Variants in CELF4 observed in about 807,000 individuals in gnomAD.
CELF4 encodes CUGBP Elav-like family member 4, also known as CUG-BP- and ETR-3-like factor 4.
A neutral mutation model predicts 59.9 loss-of-function variants in CELF4; 18 were observed. That is an observed-to-expected ratio of 0.30 (90% CI 0.21 to 0.45). CELF4 has a LOEUF of 0.45. Among genes scored for constraint, CELF4 ranks in the 20% least tolerant of loss-of-function variants. CELF4 has a pLI of 1.00. For synonymous variants in CELF4, 261 were observed against 267.1 expected (o/e 0.98, Z 0.22); for missense variants, 456 against 689.0 (o/e 0.66, Z 3.79).
intron 2 of CELF4, among the ~76,000 whole-genome samples, chr18:37,461,021 G>T (rs2099791960): frequency 6.6e-6 from 1 of 152,236 alleles, no homozygotes; most frequent in African/African-American, 2.4e-5. Context: ...GTGGCCAAGA[G>T]TGTTATTCAC....
intron 1 of CELF4, among the ~76,000 whole-genome samples, chr18:37,493,859 A>G (rs529647404): frequency 1.3e-5 from 2 of 152,190 alleles, no homozygotes; most frequent in African/African-American, 2.4e-5. Context: ...AGAGAAGAAC[A>G]TGGCCCATTC....
At chr18:37,349,876 A>C (rs1363837574) in intron 2 of CELF4, among the ~76,000 whole-genome samples, 5 of 152,106 alleles carry the variant, frequency 3.3e-5, no homozygotes, top group Admixed American at 3.3e-4. Context: ...GTGAAAGGTG[A>C]GGGGCTGCAC....
intron 2 of CELF4, among the ~76,000 whole-genome samples, chr18:37,459,204 T>C (rs1019011093): frequency 6.6e-6 from 1 of 152,212 alleles, no homozygotes; most frequent in Non-Finnish European, 1.5e-5. Flanking sequence ...TTTCTTGCGC[T>C]CATAGGTTTT....
At chr18:37,467,971 G>C (rs1269062824) in intron 2 of CELF4, among the ~76,000 whole-genome samples, 1 of 151,964 alleles carries the variant, frequency 6.6e-6, no homozygotes, top group Non-Finnish European at 1.5e-5. Context: ...GTACTCTGTT[G>C]TGTGTATGTG....
intron 2 of CELF4, among the ~76,000 whole-genome samples, chr18:37,353,233 A>AAAATATATAT (rs71168258): frequency 0.05 from 5,277 of 106,442 alleles, 179 homozygotes; most frequent in Admixed American, 0.061. Flanking sequence ...AAAAAAAAAA[A>AAAATATATAT]ATATATATAT....
intron 2 of CELF4, among the ~76,000 whole-genome samples, chr18:37,462,015 T>A (rs1391085483): frequency 1.3e-5 from 2 of 152,136 alleles, no homozygotes; most frequent in Non-Finnish European, 1.5e-5. Context: ...ATCTTACCCA[T>A]GAGGGAAATG....
At chr18:37,290,137 G>A (rs2095233907) in intron 3 of CELF4, among the ~76,000 whole-genome samples, 1 of 152,078 alleles carries the variant, frequency 6.6e-6, no homozygotes, top group African/African-American at 2.4e-5. Context: ...GCTGAGCTGG[G>A]GAGGCCAAAG....
Position 37,443,724 on chromosome 18 carries a change from C to T in CELF4, c.369+41801G>A, listed in dbSNP as rs927123154. 1.1e-4 allele frequency among the ~76,000 whole-genome samples: 17 copies of T among 152,256 alleles called. No homozygotes were observed. The South Asian group carries it at 3.5e-3, about 32-fold the overall frequency. ...TCCTCGGCTCCCTCTCCCTCTCCCTCTCTGTGTCGGGGCTGGGGGTGGTCA... is the reference window on the plus strand; with the variant it reads ...TCCTCGGCTCCCTCTCCCTCTCCCTTTCTGTGTCGGGGCTGGGGGTGGTCA... On this transcript the variant is annotated intron_variant, in intron 2 of 12. Coordinates refer to ENST00000420428, the MANE Select transcript of CELF4 (RefSeq NM_020180.4).
At chr18:37,310,155 G>A (rs946056925) in intron 3 of CELF4, among the ~76,000 whole-genome samples, 2 of 151,868 alleles carry the variant, frequency 1.3e-5, no homozygotes, top group Non-Finnish European at 2.9e-5. Context: ...TGTTTCTCCC[G>A]TGGCAGCTCC....
At chr18:37,446,440 G>C (rs1427869712) in intron 2 of CELF4, among the ~76,000 whole-genome samples, 1 of 152,082 alleles carries the variant, frequency 6.6e-6, no homozygotes, top group Non-Finnish European at 1.5e-5. Flanking sequence ...GGCTTGGACT[G>C]TAGTTTCCAC....
intron 1 of CELF4, among the ~76,000 whole-genome samples, chr18:37,518,609 A>T (rs1170703333): frequency 6.6e-6 from 1 of 152,032 alleles, no homozygotes; most frequent in Non-Finnish European, 1.5e-5. Context: ...CCCAGGGTAC[A>T]AAGCCCCCTA....
chr18:37,503,428 C>T (rs1281701659), intron 1 of CELF4, among the ~76,000 whole-genome samples: 2 of 152,176 alleles, frequency 1.3e-5, no homozygotes, highest in Non-Finnish European at 2.9e-5. Context: ...AGCCTGCTGT[C>T]GAGTCACGAG....
At chr18:37,428,347 C>G (rs2099627118) in intron 2 of CELF4, among the ~76,000 whole-genome samples, 1 of 151,810 alleles carries the variant, frequency 6.6e-6, no homozygotes, top group South Asian at 2.1e-4. Flanking sequence ...GACCGGCTGA[C>G]ATTTGGGTCA....
intron 2 of CELF4, among the ~76,000 whole-genome samples, chr18:37,367,090 G>C (rs2154563007): frequency 6.6e-6 from 1 of 152,286 alleles, no homozygotes; most frequent in South Asian, 2.1e-4. Flanking sequence ...AACTTGGCAA[G>C]CTATGCGGCC....
intron 2 of CELF4, among the ~76,000 whole-genome samples, chr18:37,399,995 T>A (rs1201883339): frequency 6.6e-6 from 1 of 152,186 alleles, no homozygotes; most frequent in Non-Finnish European, 1.5e-5. Flanking sequence ...GATGAGATTG[T>A]TGGTTTTATG....
chr18:37,556,409 C>G (rs1234921658), intron 1 of CELF4, among the ~76,000 whole-genome samples: 2 of 152,262 alleles, frequency 1.3e-5, no homozygotes, highest in East Asian at 3.8e-4. Flanking sequence ...CCAAAACTTC[C>G]AATCATATGA....
chr18:37,554,499 TA>T (rs1261827153), intron 1 of CELF4, among the ~76,000 whole-genome samples: 1 of 152,148 alleles, frequency 6.6e-6, no homozygotes, highest in Non-Finnish European at 1.5e-5. Flanking sequence ...AGGCCCCATT[TA>T]CTTGCCCTCC....
intron 3 of CELF4, among the ~76,000 whole-genome samples, chr18:37,292,818 T>C (rs146919230): frequency 6.6e-6 from 1 of 152,346 alleles, no homozygotes; most frequent in East Asian, 1.9e-4. Flanking sequence ...CTTTTATAAA[T>C]TTCACCTTTG....
intron 2 of CELF4, among the ~76,000 whole-genome samples, chr18:37,346,119 T>C (rs2098248931): frequency 6.6e-6 from 1 of 152,204 alleles, no homozygotes; most frequent in African/African-American, 2.4e-5. Context: ...GGGACCAGCC[T>C]GCAGCCTCCT....
Sources: gnomAD v4.1 joint callset for allele counts (sites outside exome capture counted in the v4.1 genomes callset) on GRCh38, gnomAD v4.1.1 for gene constraint, MANE v1.5 for transcripts, NCBI Gene and HGNC (gene_info 2026-07-23, HGNC 2026-07-21) for gene names.